YY1AP1: variants seen among roughly 807,000 people sequenced by gnomAD.
YY1AP1 encodes the protein YY1 associated protein 1.
Under a neutral mutation model 39.9 loss-of-function variants are expected in YY1AP1, and 43 were observed. The observed-to-expected ratio is 1.08, with a 90% CI of 0.84 to 1.39. The LOEUF is 1.39. Ranked by LOEUF, YY1AP1 falls within the 40% of genes most tolerant of loss-of-function variation. The pLI, the probability that YY1AP1 is intolerant of heterozygous loss-of-function variation, is 0.00. For missense variants in YY1AP1, 813 were observed against 900.7 expected, an observed-to-expected ratio of 0.90 and a Z score of 1.25; for synonymous variants, 292 against 331.3, an observed-to-expected ratio of 0.88 and a Z score of 1.29.
chr1:155,665,243 C>T (rs1487538798), intron 9 of YY1AP1, among the ~76,000 whole-genome samples: 2 of 151,444 alleles, frequency 1.3e-5, no homozygotes, highest in Admixed American at 6.6e-5. Flanking sequence ...AAAACTGAGA[C>T]CCCCCCACCT....
Position 155,668,652 on chromosome 1 carries a change from T to C in YY1AP1, c.854A>G (p.Asn285Ser). The C allele has an allele frequency of 1.9e-6, 3 of 1,614,158 alleles. No homozygotes were observed. Among genetic ancestry groups the C allele is most frequent in the Non-Finnish European group, 2.5e-6 (3 of 1,180,014 alleles). The change falls in exon 9 of 11, where the codon AAC (asparagine) becomes AGC (serine). Residue 285 changes from asparagine to serine, a missense_variant. Physicochemically the swap from Asn to Ser is conservative, Grantham distance 46. Transcript: ENST00000355499. ...TTTAATGATGTTGTCAGGAGCTCTG[T>C]TCATGTTGAGGTTCTTGATTCTCAC... ...LTVRIKNLNM[N>S]RAPDNIIKFY...
At chr1:155,683,231 G>A (rs567229959) in intron 2 of YY1AP1, among the ~76,000 whole-genome samples, 307 of 152,330 alleles carry the variant, frequency 2.0e-3, no homozygotes, top group Non-Finnish European at 2.9e-3. Flanking sequence ...TGAGATAGAG[G>A]AGAAGGGATC....
intron 3 of YY1AP1, chr1:155,679,978 A>C (rs561286252): frequency 7.5e-6 from 2 of 266,782 alleles, no homozygotes; most frequent in East Asian, 2.2e-4. Flanking sequence ...ACTTGAGCCT[A>C]TGAGTTCCAG....
At position 155,660,449 on chromosome 1, in the gene YY1AP1, G is replaced by C. The variant is rs142902174; in HGVS notation, c.1461C>G (p.Pro487=). The change falls in exon 11 of 11, where the codon CCC becomes CCG. Residue 487 remains proline (P), a synonymous_variant. Coordinates refer to ENST00000355499, the MANE Select transcript of YY1AP1 (RefSeq NM_139119.3). ...FESPAALPAM[P]PEARTSFPLS... is the part of the protein sequence containing the mutation. ...GAGGGAAGCTTGTCCTGGCCTCAGG[G>C]GGCATAGCAGGCAGTGCTGCAGGAG... The C allele has an allele frequency of 6.8e-6, 11 of 1,614,018 alleles. No individual in the cohort carries two copies. The highest frequency in any genetic ancestry group is 1.3e-5 in the African/African-American group (1 of 74,878).
chr1:155,684,742 C>T (rs1420338594), intron 2 of YY1AP1, among the ~76,000 whole-genome samples: 1 of 152,078 alleles, frequency 6.6e-6, no homozygotes, highest in Non-Finnish European at 1.5e-5. Context: ...CACTCCAACA[C>T]ATGCAGCTAA....
In YY1AP1 at chr1:155,688,327, G is replaced by A. The variant is rs111718014; in HGVS notation, c.-151-126C>T. The stretch of plus-strand genomic sequence containing the variant: ...GCAAAGCGAACCCAAAATGGCGGCG[G>A]CAGCGGCGGCAGCAGAGTGGCCGCG... On this transcript the variant is annotated intron_variant, in intron 1 of 10. Transcript: ENST00000355499. 94 of 1,549,060 alleles carry A rather than the reference G, an allele frequency of 6.1e-5. 1 individual carries two copies. In the African/African-American group the frequency reaches 8.3e-4, roughly 14 times the overall value.
intron 2 of YY1AP1, among the ~76,000 whole-genome samples, chr1:155,687,058 GA>G (rs1397966219): frequency 6.6e-6 from 1 of 152,098 alleles, no homozygotes; most frequent in African/African-American, 2.4e-5. Flanking sequence ...TTGTAAAATG[GA>G]AGAAAGCATC....
intron 1 of YY1AP1, 142 bp from the exon 2 acceptor site, chr1:155,688,343 A>T: frequency 6.5e-7 from 1 of 1,549,476 alleles, no homozygotes; most frequent in Non-Finnish European, 8.7e-7. Flanking sequence ...GCGGCAGCAG[A>T]GTGGCCGCGG....
In YY1AP1 at chr1:155,660,666, A is replaced by T; in HGVS notation, c.1244T>A (p.Leu415His). 7 of 1,614,084 alleles carry T rather than the reference A, an allele frequency of 4.3e-6. No homozygotes were observed. Among genetic ancestry groups the T allele is most frequent in the Non-Finnish European group, 5.9e-6 (7 of 1,180,008 alleles). The change falls in exon 11 of 11, where the codon CTC (leucine) becomes CAC (histidine). Residue 415 changes from leucine (L) to histidine (H), a missense_variant. Leu to His is a moderately conservative substitution (Grantham distance 99). Coordinates refer to ENST00000355499, the MANE Select transcript of YY1AP1 (RefSeq NM_139119.3). ...GAGAGAGGGGCTGGGTTGGATAAGG[A>T]GGGGTTTCAGGACTGATGAACGCTT... ...RQKRSSVLKP[L>H]LIQPSPSLQP...
At position 155,676,549 on chromosome 1, in the gene YY1AP1, T is replaced by G. The variant is rs752484069; in HGVS notation, c.323A>C (p.Gln108Pro). The change falls in exon 5 of 11, where the codon CAG (glutamine) becomes CCG (proline). Residue 108 changes from glutamine (Q) to proline (P), a missense_variant and splice_region_variant. Physicochemically the swap from Gln to Pro is moderately conservative, Grantham distance 76. This residue lies in a region of YY1AP1 where 196 missense variants were observed against 189.7 expected (regional missense o/e 1.03). Transcript: ENST00000355499. ...TAATATGACCAAGGAAAGTGTTACC[T>G]GCTGCATCTGCTGCTGGAGTCTCTT... The part of the protein sequence containing the change: ...QRKRLQQQMQ[Q>P]HVQLLTQIHL... 2 of 1,614,188 alleles carry G rather than the reference T, an allele frequency of 1.2e-6. No individual in the cohort carries two copies. The highest frequency in any genetic ancestry group is 1.7e-6 in the Non-Finnish European group (2 of 1,180,000).
intron 6 of YY1AP1, 28 bp from the exon 7 acceptor site, chr1:155,672,759 T>G: frequency 6.2e-7 from 1 of 1,614,182 alleles, no homozygotes; most frequent in South Asian, 1.1e-5. Flanking sequence ...AAGGAAGATC[T>G]AAGACAATTC....
intron 9 of YY1AP1, among the ~76,000 whole-genome samples, chr1:155,662,355 G>A (rs1011786040): frequency 6.6e-6 from 1 of 151,878 alleles, no homozygotes; most frequent in Admixed American, 6.6e-5. Context: ...GCTGGGTGTG[G>A]TGGTGGGTGC....
intron 2 of YY1AP1, among the ~76,000 whole-genome samples, chr1:155,682,013 C>T (rs1047809652): frequency 6.6e-6 from 1 of 152,032 alleles, no homozygotes; most frequent in Non-Finnish European, 1.5e-5. Context: ...CAAGATATTA[C>T]ACAACTCACT....
Position 155,660,267 on chromosome 1 carries a change from A to G in YY1AP1, c.1643T>C (p.Ile548Thr), listed in dbSNP as rs150387705. ...AFRCIKPAPVIHPASVIFTVP... is the reference protein window; with the variant it reads ...AFRCIKPAPVTHPASVIFTVP... The stretch of plus-strand genomic sequence containing the variant: ...AGTGAAGATAACAGATGCAGGGTGG[A>G]TAACAGGGGCAGGTTTGATACAGCG... The change falls in exon 11 of 11, where the codon ATC (isoleucine) becomes ACC (threonine). Residue 548 changes from isoleucine to threonine, a missense_variant. This residue lies in a region of YY1AP1 where 586 missense variants were observed against 647.4 expected (regional missense o/e 0.91). Transcript: ENST00000355499. The G allele has an allele frequency of 2.9e-5, 47 of 1,614,086 alleles. No individual in the cohort carries two copies. The African/African-American group carries it at 4.8e-4, about 17-fold the overall frequency.
Position 155,668,750 on chromosome 1 carries a change from A to C in YY1AP1, c.756T>G (p.Phe252Leu). Reference sequence around the variant, plus strand: ...GAGGGTTAAGAAACTCAGTCCCTTCAAAATGCTTCAGTCCTAAAGCTAACA... The same window carrying C: ...GAGGGTTAAGAAACTCAGTCCCTTCCAAATGCTTCAGTCCTAAAGCTAACA... ...DNLLALGLKH[F>L]EGTEFLNPLI... The change falls in exon 9 of 11, where the codon TTT becomes TTG. Residue 252 changes from phenylalanine to leucine, a missense_variant. Coordinates refer to ENST00000355499, the MANE Select transcript of YY1AP1 (RefSeq NM_139119.3). 1 of 1,614,220 alleles carries C rather than the reference A, an allele frequency of 6.2e-7. No individual in the cohort carries two copies. The highest frequency in any genetic ancestry group is 1.6e-4 in the Middle Eastern group (1 of 6,062).
upstream of YY1AP1, chr1:155,688,907 G>A (rs543380974): frequency 1.7e-5 from 27 of 1,612,930 alleles, no homozygotes; most frequent in East Asian, 2.2e-5. Context: ...CAGGGTGGCC[G>A]GCCGAGTCCC....
rs560678874 is a variant in YY1AP1, at chr1:155,688,748, C to T, written c.-241G>A. ...GCACGGCCACCAACCGCCGCCAAAG[C>T]AGCCGCCGCCAGCACCCCCACCCTA... On this transcript the variant is annotated 5_prime_UTR_variant, in exon 1 of 11. Transcript: ENST00000355499. 3 of 1,517,170 alleles carry T rather than the reference C, an allele frequency of 2.0e-6. No individual in the cohort carries two copies. The highest frequency in any genetic ancestry group is 1.8e-6 in the Non-Finnish European group (2 of 1,138,844). The allele number at this position is 1,517,170 out of a possible 1,614,324, so 94.0% of individuals were successfully genotyped here.
At chr1:155,687,068 T>C (rs1262118826) in intron 2 of YY1AP1, among the ~76,000 whole-genome samples, 1 of 152,130 alleles carries the variant, frequency 6.6e-6, no homozygotes, top group Non-Finnish European at 1.5e-5. Flanking sequence ...GAAGAAAGCA[T>C]CCTACCATTT....
At chr1:155,670,171 G>T in intron 8 of YY1AP1, 149 bp downstream of exon 8, 1 of 1,071,060 alleles carries the variant, frequency 9.3e-7, no homozygotes, top group Non-Finnish European at 1.4e-6. Context: ...GGCACTGCTA[G>T]AACAAGCACG....
Sources: gnomAD v4.1 joint callset for allele counts (sites outside exome capture counted in the v4.1 genomes callset) on GRCh38, gnomAD v4.1.1 for gene constraint, gnomAD v4.1.1 regional missense constraint, MANE v1.5 for transcripts, NCBI Gene and HGNC (gene_info 2026-07-23, HGNC 2026-07-21) for gene names.